AGBL1: variants seen among roughly 807,000 people sequenced by gnomAD.
The protein encoded by AGBL1 is AGBL carboxypeptidase 1.
Under a neutral mutation model 118.9 loss-of-function variants are expected in AGBL1, and 130 were observed. The observed-to-expected ratio is 1.09, with a 90% CI of 0.95 to 1.26. The LOEUF (loss-of-function observed/expected upper bound fraction) is 1.26. Ranked by LOEUF, AGBL1 falls within the 50% of genes most tolerant of loss-of-function variation. AGBL1 has a pLI of 0.00. For missense variants in AGBL1, 1,584 were observed against 1,298.1 expected (o/e 1.22, Z -3.38); for synonymous variants, 555 against 478.9 (o/e 1.16, Z -2.08).
At chr15:86,483,872 A>G (rs1255939141) in intron 18 of AGBL1, among the ~76,000 whole-genome samples, 2 of 152,132 alleles carry the variant, frequency 1.3e-5, no homozygotes, top group African/African-American at 4.8e-5. Context: ...GCTCATCTTG[A>G]ATACTGTTAT....
At chr15:86,209,766 C>A (rs539608329) in intron 5 of AGBL1, among the ~76,000 whole-genome samples, 1 of 152,236 alleles carries the variant, frequency 6.6e-6, no homozygotes, top group South Asian at 2.1e-4. Context: ...GACTCTTTAT[C>A]CAATTTGCCA....
At chr15:86,773,429 G>A (rs2141292470) in intron 22 of AGBL1, among the ~76,000 whole-genome samples, 1 of 151,646 alleles carries the variant, frequency 6.6e-6, no homozygotes, top group Admixed American at 6.6e-5. Flanking sequence ...GTATACATGT[G>A]CCATGTTGGT....
chr15:86,252,920 A>T (rs1259502337), intron 7 of AGBL1, among the ~76,000 whole-genome samples: 3 of 152,212 alleles, frequency 2.0e-5, no homozygotes, highest in Non-Finnish European at 4.4e-5. Flanking sequence ...TCTATGTTCA[A>T]AGAATCACCG....
intron 19 of AGBL1, 64 bp downstream of exon 19, chr15:86,523,003 T>C (rs933251668): frequency 6.4e-7 from 1 of 1,555,836 alleles, no homozygotes; most frequent in Non-Finnish European, 8.9e-7. Flanking sequence ...GGAAGCAGAG[T>C]ATATTCTGCC....
intron 24 of AGBL1, among the ~76,000 whole-genome samples, chr15:87,003,042 C>G (rs1237767588): frequency 1.3e-5 from 2 of 152,178 alleles, no homozygotes; most frequent in Non-Finnish European, 1.5e-5. Flanking sequence ...GAGAGGGCAT[C>G]CCTGTCTTGT....
At chr15:86,660,090 G>A (rs902901742) in intron 21 of AGBL1, among the ~76,000 whole-genome samples, 2 of 151,588 alleles carry the variant, frequency 1.3e-5, no homozygotes, top group Admixed American at 1.3e-4. Context: ...CCTTTATCTA[G>A]TAAGCAGAAC....
chr15:86,495,563 T>G (rs1408279558), intron 18 of AGBL1, among the ~76,000 whole-genome samples: 1 of 151,932 alleles, frequency 6.6e-6, no homozygotes, highest in Non-Finnish European at 1.5e-5. Flanking sequence ...TGTTTTTTGA[T>G]GCCAGAAGGT....
At chr15:86,701,864 C>A (rs144624045) in intron 22 of AGBL1, among the ~76,000 whole-genome samples, 1 of 148,266 alleles carries the variant, frequency 6.7e-6, no homozygotes, top group Non-Finnish European at 1.5e-5. Context: ...CATTCCTTCC[C>A]CTTCCCTTCT....
chr15:86,310,273 G>C (rs529253298), intron 17 of AGBL1, among the ~76,000 whole-genome samples: 1 of 152,188 alleles, frequency 6.6e-6, no homozygotes, highest in South Asian at 2.1e-4. Context: ...CAGTTGTAAT[G>C]CCTCTTGTTT....
At chr15:86,457,242 A>G (rs1480134854) in intron 18 of AGBL1, among the ~76,000 whole-genome samples, 1 of 152,190 alleles carries the variant, frequency 6.6e-6, no homozygotes, top group Non-Finnish European at 1.5e-5. Context: ...AAAACCCAGC[A>G]TAAGCATTTG....
chr15:86,860,405 AAT>A (rs200245772), intron 22 of AGBL1, among the ~76,000 whole-genome samples: 1 of 150,558 alleles, frequency 6.6e-6, no homozygotes. Flanking sequence ...TTTCTCCTGG[AAT>A]ATATATATAT....
chr15:86,564,208 G>T (rs1008306079), intron 21 of AGBL1, among the ~76,000 whole-genome samples: 11 of 152,192 alleles, frequency 7.2e-5, no homozygotes, highest in African/African-American at 2.7e-4. Context: ...ATTAGATGAT[G>T]CAGTTTCTTC....
chr15:86,759,592 C>A (rs1463574158), intron 22 of AGBL1, among the ~76,000 whole-genome samples: 1 of 152,090 alleles, frequency 6.6e-6, no homozygotes, highest in African/African-American at 2.4e-5. Context: ...CCAAATCACA[C>A]AACTAGTTTC....
intron 16 of AGBL1, among the ~76,000 whole-genome samples, chr15:86,284,592 A>T (rs544148184): frequency 6.6e-6 from 1 of 152,308 alleles, no homozygotes; most frequent in South Asian, 2.1e-4. Flanking sequence ...TATTTAAGTG[A>T]CAACTGAGAT....
At chr15:86,851,129 T>C (rs1325179491) in intron 22 of AGBL1, among the ~76,000 whole-genome samples, 6 of 152,198 alleles carry the variant, frequency 3.9e-5, no homozygotes, top group Admixed American at 3.9e-4. Context: ...CACTTGCTCT[T>C]ATCCCTTCTA....
chr15:86,378,621 T>C (rs556641809), intron 17 of AGBL1, among the ~76,000 whole-genome samples: 60 of 152,314 alleles, frequency 3.9e-4, no homozygotes, highest in Non-Finnish European at 4.4e-5. Context: ...TTCCTATGTA[T>C]TTGGCTCAGG....
chr15:86,512,409 C>T (rs534378723), intron 18 of AGBL1, among the ~76,000 whole-genome samples: 2 of 151,792 alleles, frequency 1.3e-5, no homozygotes, highest in East Asian at 1.9e-4. Flanking sequence ...ATCATTGTCT[C>T]GCATTTTCTT....
Position 86,295,378 on chromosome 15 carries a change from T to A in AGBL1, c.2344T>A (p.Ser782Thr). 1 of 1,603,926 alleles carries A rather than the reference T, an allele frequency of 6.2e-7. No homozygotes were observed. The highest frequency in any genetic ancestry group is 1.3e-5 in the African/African-American group (1 of 74,248). The change falls in exon 17 of 23, where the codon TCC (serine) becomes ACC (threonine). Residue 782 changes from serine (S) to threonine (T), a missense_variant. By Grantham distance (58) the Ser-to-Thr change is moderately conservative (BLOSUM62 1). Transcript: ENST00000614907. ...GGTGACCATCACGGCCATGCCTGAG[T>A]CCAACAGTGATGAGCATCTAGAGCA... Reference protein sequence around the residue: ...PLVTITAMPESNSDEHLEQFR... With the variant: ...PLVTITAMPETNSDEHLEQFR...
intron 22 of AGBL1, among the ~76,000 whole-genome samples, chr15:86,779,672 T>G (rs1473873145): frequency 6.6e-6 from 1 of 152,246 alleles, no homozygotes; most frequent in Non-Finnish European, 1.5e-5. Context: ...TGATCCACAT[T>G]ACCAACCATT....
Sources: gnomAD v4.1 joint callset for allele counts (sites outside exome capture counted in the v4.1 genomes callset) on GRCh38, gnomAD v4.1.1 for gene constraint, MANE v1.5 for transcripts, NCBI Gene and HGNC (gene_info 2026-07-23, HGNC 2026-07-21) for gene names.